KIAA1549L: variants seen among roughly 807,000 people sequenced by gnomAD.
KIAA1549L encodes KIAA1549 like.
A neutral mutation model predicts 160.7 loss-of-function variants in KIAA1549L; 88 were observed. The observed-to-expected ratio is 0.55, with a 90% CI of 0.46 to 0.65. The LOEUF is 0.65. Among genes scored for constraint, KIAA1549L ranks in the 30% least tolerant of loss-of-function variants. KIAA1549L has a pLI of 0.00. For synonymous variants in KIAA1549L, 950 were observed against 976.7 expected, an observed-to-expected ratio of 0.97 and a Z score of 0.51; for missense variants, 2,258 against 2,437.5, an observed-to-expected ratio of 0.93 and a Z score of 1.55.
In KIAA1549L at chr11:33,561,719, C is replaced by A; in HGVS notation, c.4062C>A (p.Asp1354Glu). 6.2e-7 allele frequency: 1 copy of A among 1,606,994 alleles called. No individual in the cohort carries two copies. Among genetic ancestry groups the A allele is most frequent in the Non-Finnish European group, 8.5e-7 (1 of 1,173,674 alleles). The change falls in exon 8 of 21, where the codon GAC becomes GAA. Residue 1354 changes from aspartate (D) to glutamate (E), a missense_variant. Asp to Glu is a conservative substitution (Grantham distance 45). Transcript: ENST00000658780. ...PNLDISETTRDYWVITVLQGV... is the reference protein window; with the variant it reads ...PNLDISETTREYWVITVLQGV... ...TTGACATATCAGAAACAACCAGAGA[C>A]TATTGGGTAATTACAGGTAATCTCT...
At position 33,383,296 on chromosome 11, in the gene KIAA1549L, C is replaced by G. The variant is rs577827273; in HGVS notation, c.238+6407C>G. Among the ~76,000 whole-genome samples the G allele has an allele frequency of 2.0e-5, 3 of 148,496 alleles. No homozygotes were observed. The East Asian group carries it at 5.9e-4, about 29-fold the overall frequency. ...TTCTTTTTTTTTTTTTAAAGACAAA[C>G]AAAAACTCCACTCTTCCCCAGACAA... On this transcript the variant is annotated intron_variant, in intron 1 of 20. Coordinates refer to ENST00000658780, the MANE Select transcript of KIAA1549L (RefSeq NM_012194.3).
intron 20 of KIAA1549L, among the ~76,000 whole-genome samples, chr11:33,666,247 CT>C (rs1181633268): frequency 6.6e-6 from 1 of 152,156 alleles, no homozygotes; most frequent in Non-Finnish European, 1.5e-5. Context: ...AGGGGAGCTC[CT>C]GCTCCAACTC....
chr11:33,647,596 T>C (rs1851761826), intron 17 of KIAA1549L, among the ~76,000 whole-genome samples: 1 of 152,048 alleles, frequency 6.6e-6, no homozygotes, highest in African/African-American at 2.4e-5. Context: ...ATATATATTT[T>C]TAAAAAGACA....
intron 12 of KIAA1549L, among the ~76,000 whole-genome samples, chr11:33,592,320 AGAAG>A (rs1850079537): frequency 6.6e-6 from 1 of 152,210 alleles, no homozygotes; most frequent in South Asian, 2.1e-4. Flanking sequence ...CCTATATGTT[AGAAG>A]GATACTTTGA....
intron 9 of KIAA1549L, among the ~76,000 whole-genome samples, chr11:33,570,006 C>T (rs796142968): frequency 7.4e-4 from 100 of 134,552 alleles, no homozygotes; most frequent in South Asian, 5.7e-3. Context: ...CTCTCTCTCT[C>T]TTTTTTTTTT....
At chr11:33,519,606 C>A (rs1853431757) in intron 1 of KIAA1549L, among the ~76,000 whole-genome samples, 1 of 152,144 alleles carries the variant, frequency 6.6e-6, no homozygotes. Context: ...TTTTTAACTT[C>A]AAGAAGCTGT....
At chr11:33,530,239 C>CAA (rs55962654) in intron 1 of KIAA1549L, among the ~76,000 whole-genome samples, 53,073 of 134,362 alleles carry the variant, frequency 0.4, 10,525 homozygotes, top group Middle Eastern at 0.55. Flanking sequence ...CTAAAAAATA[C>CAA]AAAAAAAAAA....
At chr11:33,653,293 A>G (rs1590446064) in intron 17 of KIAA1549L, among the ~76,000 whole-genome samples, 1 of 152,356 alleles carries the variant, frequency 6.6e-6, no homozygotes, top group East Asian at 1.9e-4. Flanking sequence ...TGCTCAAAAA[A>G]AATTGGAAGT....
intron 1 of KIAA1549L, among the ~76,000 whole-genome samples, chr11:33,490,038 G>T (rs1852621491): frequency 6.6e-6 from 1 of 152,124 alleles, no homozygotes. Context: ...ACTCACCCAA[G>T]GTTATACAGA....
At chr11:33,517,137 G>A (rs986577627) in intron 1 of KIAA1549L, among the ~76,000 whole-genome samples, 1 of 152,196 alleles carries the variant, frequency 6.6e-6, no homozygotes, top group Non-Finnish European at 1.5e-5. Flanking sequence ...CGATGACGAT[G>A]CTAGGGTATG....
chr11:33,524,913 G>A (rs943716216), intron 1 of KIAA1549L, among the ~76,000 whole-genome samples: 2 of 152,142 alleles, frequency 1.3e-5, no homozygotes, highest in African/African-American at 4.8e-5. Flanking sequence ...TCTTATTAAT[G>A]CCACTAAAGC....
chr11:33,483,065 TCTC>T (rs1852445920), intron 1 of KIAA1549L, among the ~76,000 whole-genome samples: 1 of 152,092 alleles, frequency 6.6e-6, no homozygotes, highest in African/African-American at 2.4e-5. Flanking sequence ...CATCATTTTC[TCTC>T]CTCCTTTTCC....
intron 11 of KIAA1549L, among the ~76,000 whole-genome samples, chr11:33,587,564 T>C (rs997695196): frequency 6.6e-6 from 1 of 152,214 alleles, no homozygotes; most frequent in African/African-American, 2.4e-5. Flanking sequence ...TAACAGTGTT[T>C]TGCATGCTGT....
intron 1 of KIAA1549L, among the ~76,000 whole-genome samples, chr11:33,409,073 G>A (rs1406095769): frequency 6.6e-6 from 1 of 151,840 alleles, no homozygotes; most frequent in Non-Finnish European, 1.5e-5. Context: ...TAGAAACGGT[G>A]TGAATGATGC....
intron 18 of KIAA1549L, among the ~76,000 whole-genome samples, chr11:33,657,250 C>CT (rs1324731869): frequency 2.0e-5 from 3 of 152,130 alleles, no homozygotes; most frequent in Non-Finnish European, 2.9e-5. Flanking sequence ...TTGGTTACTC[C>CT]TGAGAGTCCT....
intron 8 of KIAA1549L, among the ~76,000 whole-genome samples, chr11:33,565,175 C>A (rs1334568858): frequency 6.6e-6 from 1 of 152,136 alleles, no homozygotes; most frequent in Non-Finnish European, 1.5e-5. Flanking sequence ...GAGGTACATG[C>A]CCCTTTCTGC....
intron 13 of KIAA1549L, among the ~76,000 whole-genome samples, chr11:33,601,756 C>A (rs1251731333): frequency 6.6e-6 from 1 of 152,192 alleles, no homozygotes; most frequent in Non-Finnish European, 1.5e-5. Context: ...TCTGTAGCTT[C>A]CAATCTTTTT....
intron 18 of KIAA1549L, among the ~76,000 whole-genome samples, chr11:33,658,176 A>T (rs1852133882): frequency 1.3e-5 from 2 of 152,282 alleles, no homozygotes; most frequent in Admixed American, 1.3e-4. Context: ...TGATTCTCTG[A>T]TTGCCCGGGG....
chr11:33,617,133 CAAAAAAA>C (rs59233344), intron 15 of KIAA1549L, among the ~76,000 whole-genome samples: 1 of 89,588 alleles, frequency 1.1e-5, no homozygotes. Context: ...GAGATTCTAT[CAAAAAAA>C]AAAAAAAAAA....
Sources: allele counts gnomAD v4.1 joint callset (sites outside exome capture counted in the v4.1 genomes callset), GRCh38; gene constraint gnomAD v4.1.1; transcripts MANE v1.5; gene names NCBI Gene and HGNC (gene_info 2026-07-23, HGNC 2026-07-21).